Variants in WDPCP observed in about 807,000 individuals in gnomAD.
WDPCP encodes the protein WD repeat-containing and planar cell polarity effector protein fritz homolog.
A neutral mutation model predicts 93.1 loss-of-function variants in WDPCP; 71 were observed. The ratio of observed to expected loss-of-function variants is 0.76; its 90% CI spans 0.63 to 0.93. The LOEUF is 0.93. WDPCP is among the 40% of genes least tolerant of loss of function. The pLI is 0.00. For synonymous variants in WDPCP, 315 were observed against 315.0 expected (o/e 1.00, Z 0.00); for missense variants, 844 against 887.4 (o/e 0.95, Z 0.62).
intron 1 of WDPCP, among the ~76,000 whole-genome samples, chr2:63,575,400 T>TG (rs1707893195): frequency 3.6e-5 from 1 of 27,474 alleles, no homozygotes; most frequent in Non-Finnish European, 9.5e-5. Flanking sequence ...GTATATACAG[T>TG]ATATATACAG....
chr2:63,522,570 G>A (rs892086067), intron 1 of WDPCP, among the ~76,000 whole-genome samples: 14 of 151,462 alleles, frequency 9.2e-5, no homozygotes, highest in African/African-American at 3.4e-4. Context: ...CCACTAGCTA[G>A]ACTAATAAAG....
intron 2 of WDPCP, among the ~76,000 whole-genome samples, chr2:63,734,864 GAT>G (rs1669615559): frequency 7.5e-6 from 1 of 132,810 alleles, no homozygotes; most frequent in Non-Finnish European, 1.6e-5. Flanking sequence ...GATGGAGATA[GAT>G]AGATAGACAG....
intron 6 of WDPCP, among the ~76,000 whole-genome samples, chr2:63,458,726 T>C (rs933388929): frequency 6.6e-6 from 1 of 151,722 alleles, no homozygotes; most frequent in African/African-American, 2.4e-5. Context: ...ATAGAAAAAA[T>C]AATCCTAAAA....
chr2:63,717,261 C>A (rs1297505307), intron 2 of WDPCP: 2 of 540,524 alleles, frequency 3.7e-6, no homozygotes, highest in South Asian at 1.5e-5. Context: ...AGAAGCAGGC[C>A]AGAATTAAGA....
chr2:63,809,120 G>GGGAAGTGAGGAGCCCCTCCGCCC (rs1558916152), intron 2 of WDPCP, among the ~76,000 whole-genome samples: 13 of 151,474 alleles, frequency 8.6e-5, no homozygotes, highest in Admixed American at 2.0e-4. Context: ...CGCCCTGTCT[G>GGGAAGTGAGGAGCCCCTCCGCCC]GGAAGTGAGG....
At chr2:63,600,000 C>A (rs1394191755) in intron 3 of WDPCP, 1 of 152,300 alleles carries the variant, frequency 6.6e-6, no homozygotes, top group Non-Finnish European at 1.5e-5. Context: ...GAACCTCTTT[C>A]CTTTGCCCTA....
chr2:63,376,217 A>C (rs951473330), intron 12 of WDPCP, among the ~76,000 whole-genome samples: 2 of 151,946 alleles, frequency 1.3e-5, no homozygotes, highest in African/African-American at 4.8e-5. Flanking sequence ...AAGAACTAAT[A>C]AAACACTCAT....
chr2:63,289,868 T>A (rs897918777), intron 13 of WDPCP, among the ~76,000 whole-genome samples: 1 of 152,000 alleles, frequency 6.6e-6, no homozygotes, highest in Admixed American at 6.6e-5. Context: ...CTGGTGATAC[T>A]TTCTTTGTTT....
chr2:63,524,789 A>G (rs1703200451), intron 1 of WDPCP, among the ~76,000 whole-genome samples: 1 of 152,228 alleles, frequency 6.6e-6, no homozygotes, highest in Non-Finnish European at 1.5e-5. Flanking sequence ...GCACAGCAAC[A>G]TAAACTATCA....
chr2:63,178,532 A>T (rs540858013), intron 14 of WDPCP, among the ~76,000 whole-genome samples: 116 of 151,820 alleles, frequency 7.6e-4, no homozygotes, highest in Non-Finnish European at 1.3e-3. Flanking sequence ...TCTTTATTTT[A>T]TGTCGTATTG....
chr2:63,524,404 C>CA (rs1703166022), intron 1 of WDPCP, among the ~76,000 whole-genome samples: 2 of 152,290 alleles, frequency 1.3e-5, no homozygotes, highest in South Asian at 4.1e-4. Context: ...CAAAAACAGA[C>CA]AGAGAGACCA....
chr2:63,697,046 A>T (rs1668968829), intron 2 of WDPCP, among the ~76,000 whole-genome samples: 1 of 152,242 alleles, frequency 6.6e-6, no homozygotes, highest in Non-Finnish European at 1.5e-5. Context: ...CTTTGACTAA[A>T]TAAATTACGC....
chr2:63,132,484 C>T (rs1670353531), intron 17 of WDPCP, among the ~76,000 whole-genome samples: 1 of 149,714 alleles, frequency 6.7e-6, no homozygotes, highest in African/African-American at 2.5e-5. Context: ...ATATATTGTC[C>T]TGCTTGATAG....
chr2:63,192,915 T>C (rs1439218877), intron 14 of WDPCP, among the ~76,000 whole-genome samples: 1 of 152,242 alleles, frequency 6.6e-6, no homozygotes. Flanking sequence ...TGAAAATCTT[T>C]TATAATATTG....
chr2:63,558,810 A>T (rs1575646554), intron 1 of WDPCP, among the ~76,000 whole-genome samples: 1 of 150,506 alleles, frequency 6.6e-6, no homozygotes, highest in African/African-American at 2.4e-5. Flanking sequence ...AACCAAAAAA[A>T]CGCCAGGACC....
chr2:63,678,201 T>A (rs1190322263), intron 2 of WDPCP, among the ~76,000 whole-genome samples: 7 of 152,224 alleles, frequency 4.6e-5, no homozygotes, highest in Non-Finnish European at 8.8e-5. Context: ...GTTTGTTGGC[T>A]TTCAGTATTA....
At chr2:63,371,001 TC>T (rs1160426197) in intron 12 of WDPCP, among the ~76,000 whole-genome samples, 2 of 152,152 alleles carry the variant, frequency 1.3e-5, no homozygotes, top group African/African-American at 4.8e-5. Context: ...TTTCTTCTTT[TC>T]CAAGAAAAAC....
intron 12 of WDPCP, among the ~76,000 whole-genome samples, chr2:63,351,481 T>G (rs903860536): frequency 6.6e-6 from 1 of 152,062 alleles, no homozygotes; most frequent in South Asian, 2.1e-4. Context: ...TTAATGTCCA[T>G]GTATGCTCAA....
At chr2:63,481,285 T>A (rs1042575882) in intron 6 of WDPCP, among the ~76,000 whole-genome samples, 1 of 152,100 alleles carries the variant, frequency 6.6e-6, no homozygotes, top group South Asian at 2.1e-4. Context: ...ACTTTTACAC[T>A]GCTGGTGAAA....
Sources: allele counts gnomAD v4.1 joint callset (sites outside exome capture counted in the v4.1 genomes callset), GRCh38; gene constraint gnomAD v4.1.1; transcripts MANE v1.5; gene names NCBI Gene and HGNC (gene_info 2026-07-23, HGNC 2026-07-21).